Variants in ADGRV1 observed in about 807,000 individuals in gnomAD.
ADGRV1 encodes adhesion G protein-coupled receptor V1.
A neutral mutation model predicts 596.2 loss-of-function variants in ADGRV1; 359 were observed. The observed-to-expected ratio is 0.60, with a 90% confidence interval of 0.55 to 0.66. ADGRV1 has a LOEUF of 0.66. Ranked by LOEUF, ADGRV1 falls within the 30% of genes least tolerant of loss-of-function variation. The probability of loss-of-function intolerance (pLI) is 0.00; values close to 1 mark genes in which losing one functional copy is unlikely to be tolerated. For synonymous variants in ADGRV1, 2,681 were observed against 2,679.2 expected, an observed-to-expected ratio of 1.00 and a Z score of -0.02; for missense variants, 7,274 against 7,575.6, an observed-to-expected ratio of 0.96 and a Z score of 1.48.
intron 48 of ADGRV1, among the ~76,000 whole-genome samples, chr5:90,728,399 T>C (rs995009498): frequency 2.0e-5 from 3 of 152,234 alleles, no homozygotes; most frequent in African/African-American, 7.2e-5. Flanking sequence ...GTACATTTGA[T>C]ACTGATTTCT....
At chr5:90,928,458 C>T (rs1774769541) in intron 83 of ADGRV1, among the ~76,000 whole-genome samples, 1 of 150,612 alleles carries the variant, frequency 6.6e-6, no homozygotes, top group African/African-American at 2.5e-5. Context: ...TCACGTAGTT[C>T]TCGAGCCTTG....
chr5:90,894,401 A>G (rs10051778), intron 83 of ADGRV1, among the ~76,000 whole-genome samples: 10 of 152,150 alleles, frequency 6.6e-5, no homozygotes, highest in African/African-American at 1.2e-4. Context: ...TTTTAACTGC[A>G]CCCAAAACCA....
chr5:91,154,499 C>T lies in ADGRV1; in HGVS notation c.18802+1101C>T, dbSNP rs567011921. ...CCAAGGTTACATAGTTAAGCGGCGGCGCAAAGCAGATGCAGGCCGCCTGGC... is the reference window on the plus strand; with the variant it reads ...CCAAGGTTACATAGTTAAGCGGCGGTGCAAAGCAGATGCAGGCCGCCTGGC... On this transcript the variant is annotated intron_variant, in intron 89 of 89. Transcript: ENST00000405460. 2.0e-4 allele frequency among the ~76,000 whole-genome samples: 30 copies of T among 152,314 alleles called. 1 individual carries two copies. In the South Asian group the frequency reaches 2.5e-3, roughly 13 times the overall value.
intron 83 of ADGRV1, among the ~76,000 whole-genome samples, chr5:90,885,144 CCA>C (rs1770156603): frequency 6.6e-6 from 1 of 152,152 alleles, no homozygotes. Context: ...AGGACCACTT[CCA>C]GTTTTATTTG....
intron 50 of ADGRV1, among the ~76,000 whole-genome samples, chr5:90,737,397 T>C (rs980243662): frequency 4.6e-5 from 7 of 151,950 alleles, no homozygotes; most frequent in South Asian, 2.1e-4. Context: ...GAAGAAAGTG[T>C]ATTCTATTGC....
intron 33 of ADGRV1, 72 bp downstream of exon 33, chr5:90,694,773 T>A: frequency 7.6e-7 from 1 of 1,319,822 alleles, no homozygotes; most frequent in Non-Finnish European, 1.0e-6. Context: ...TGATAAAATT[T>A]ATAAGAATTC....
At position 90,805,379 on chromosome 5, in the gene ADGRV1, G is replaced by A. The variant is rs754413110; in HGVS notation, c.14757G>A (p.Ser4919=). The part of the protein sequence containing the change: ...ISRRGTYGAL[S]VAWTTGYAPG... ...GGAGAGGCACATATGGAGCTCTCTC[G>A]GTTGCCTGGACCACTGGATATGCTC... Residue 4919 remains serine, a synonymous_variant, in exon 72 of 90, where the codon TCG becomes TCA. Transcript: ENST00000405460. 6.2e-6 allele frequency: 10 copies of A among 1,611,074 alleles called. No individual in the cohort carries two copies. The highest frequency in any genetic ancestry group is 1.7e-5 in the Admixed American group (1 of 59,974).
intron 45 of ADGRV1, among the ~76,000 whole-genome samples, chr5:90,722,902 C>G: frequency 6.6e-6 from 1 of 151,880 alleles, no homozygotes; most frequent in Non-Finnish European, 1.5e-5. Context: ...GAAGGTTCAA[C>G]TTGAATGGCT....
intron 83 of ADGRV1, among the ~76,000 whole-genome samples, chr5:90,961,856 G>A (rs953913002): frequency 2.2e-4 from 34 of 152,078 alleles, no homozygotes; most frequent in African/African-American, 6.0e-4. Flanking sequence ...TTGTGTATAT[G>A]TTATATAAAA....
At chr5:90,718,667 T>C (rs1203145427) in intron 43 of ADGRV1, among the ~76,000 whole-genome samples, 2 of 152,014 alleles carry the variant, frequency 1.3e-5, no homozygotes, top group Non-Finnish European at 2.9e-5. Context: ...AATTGGTTTG[T>C]GCAAGATCAC....
chr5:90,907,681 A>G (rs1265583186), intron 83 of ADGRV1, among the ~76,000 whole-genome samples: 1 of 151,998 alleles, frequency 6.6e-6, no homozygotes, highest in Non-Finnish European at 1.5e-5. Context: ...GCATTTGAAG[A>G]CTTTCTGGAC....
intron 49 of ADGRV1, among the ~76,000 whole-genome samples, 177 bp from the exon 50 acceptor site, chr5:90,729,465 T>G (rs1194665358): frequency 6.6e-6 from 1 of 152,240 alleles, no homozygotes; most frequent in Non-Finnish European, 1.5e-5. Flanking sequence ...ATTCCCGTCA[T>G]GCAGTAAATG....
rs866562326 is a variant in ADGRV1 at position 90,604,182 on chromosome 5, A to T, written c.23-10653A>T. Among the ~76,000 whole-genome samples, 7 of 152,034 alleles carry T rather than the reference A, an allele frequency of 4.6e-5. No individual in the cohort carries two copies. The South Asian group carries it at 8.3e-4, about 18-fold the overall frequency. On this transcript the variant is annotated intron_variant, in intron 1 of 89. Transcript: ENST00000405460. The stretch of plus-strand genomic sequence containing the variant: ...ATTTTTTTAAAATGTGAAATCTACA[A>T]ATTTTAAATCTTGGCAAAAATGATC...
chr5:90,872,460 T>A (rs929891549), intron 83 of ADGRV1, among the ~76,000 whole-genome samples: 5 of 115,208 alleles, frequency 4.3e-5, no homozygotes, highest in African/African-American at 1.5e-4. Context: ...TGTGTGTGTG[T>A]GTGTGTACAT....
At chr5:90,871,462 T>C (rs1280942663) in intron 83 of ADGRV1, among the ~76,000 whole-genome samples, 1 of 152,182 alleles carries the variant, frequency 6.6e-6, no homozygotes, top group African/African-American at 2.4e-5. Flanking sequence ...AAAAATAGTA[T>C]CATGGTCACA....
rs762251312 is a variant in ADGRV1 at position 90,985,448 on chromosome 5, T to C, written c.18078T>C (p.Ile6026=). The C allele has an allele frequency of 6.2e-7, 1 of 1,613,776 alleles. No individual in the cohort carries two copies. The stretch of plus-strand genomic sequence containing the variant: ...GGGGACTACCAGCTTTTGTGGTGAT[T>C]CTCCTCATAGTTATTTTGAAAGGAA... ...LSWGLPAFVV[I]LLIVILKGIY... is the part of the protein sequence containing the mutation. The change falls in exon 85 of 90, where the codon ATT becomes ATC. Residue 6026 remains isoleucine, a synonymous_variant. Coordinates refer to ENST00000405460, the MANE Select transcript of ADGRV1 (RefSeq NM_032119.4).
intron 89 of ADGRV1, among the ~76,000 whole-genome samples, chr5:91,157,504 A>C (rs1172338129): frequency 6.6e-6 from 1 of 152,108 alleles, no homozygotes; most frequent in Non-Finnish European, 1.5e-5. Flanking sequence ...CCTTGAACTT[A>C]TATTTCCATT....
chr5:90,708,899 T>G lies in ADGRV1; in HGVS notation c.8814T>G (p.Pro2938=), dbSNP rs1748958008. The part of the protein sequence containing the change: ...GLTMAASTSF[P]PRLDSEGLTA... The stretch of plus-strand genomic sequence containing the variant: ...CCATGGCTGCTTCAACTTCATTTCC[T>G]CCCAGACTAGGTATGAGGGGTTTCT... Residue 2938 remains proline, a synonymous_variant, in exon 39 of 90, where the codon CCT becomes CCG. Coordinates refer to ENST00000405460, the MANE Select transcript of ADGRV1 (RefSeq NM_032119.4). 6.2e-7 allele frequency: 1 copy of G among 1,607,852 alleles called. No individual in the cohort carries two copies. Among genetic ancestry groups the G allele is most frequent in the Non-Finnish European group, 8.5e-7 (1 of 1,174,812 alleles).
intron 83 of ADGRV1, among the ~76,000 whole-genome samples, chr5:90,891,188 T>G (rs1248881020): frequency 6.8e-6 from 1 of 148,014 alleles, no homozygotes; most frequent in Non-Finnish European, 1.5e-5. Flanking sequence ...ATATATATTA[T>G]TTATATATAT....
Sources: allele counts gnomAD v4.1 joint callset (sites outside exome capture counted in the v4.1 genomes callset), GRCh38; gene constraint gnomAD v4.1.1; transcripts MANE v1.5; gene names NCBI Gene and HGNC (gene_info 2026-07-23, HGNC 2026-07-21).